SUPT20H: variants seen among roughly 807,000 people sequenced by gnomAD.
SUPT20H encodes the protein transcription factor SPT20 homolog.
In SUPT20H, 82 loss-of-function variants were observed where a neutral mutation model predicts 122.8. The ratio of observed to expected loss-of-function variants is 0.67; its 90% CI spans 0.56 to 0.80. The LOEUF is 0.80. SUPT20H is among the 30% of genes least tolerant of loss of function. The pLI is 0.00. For synonymous variants in SUPT20H, 291 were observed against 313.0 expected (o/e 0.93, Z 0.74); for missense variants, 831 against 921.6 (o/e 0.90, Z 1.27).
rs958839938 is a variant in SUPT20H at position 37,022,251 on chromosome 13, G to C, written c.1592-171C>G. On this transcript the variant is annotated intron_variant, in intron 19 of 25. Coordinates refer to ENST00000350612, the MANE Select transcript of SUPT20H (RefSeq NM_001014286.3). The surrounding 1 kb of genome is among the most constrained non-coding windows in gnomAD (Gnocchi z 4.5). ...AGGGGTACTAGGAGTTGAGCTCTGA[G>C]CATCAGGAGGGTGTGGGGTCGATGA... is the stretch of plus-strand genomic sequence containing the variant. 1 of 1,541,104 alleles carries C rather than the reference G, an allele frequency of 6.5e-7. No homozygotes were observed. The highest frequency in any genetic ancestry group is 8.8e-7 in the Non-Finnish European group (1 of 1,141,700).
intron 2 of SUPT20H, among the ~76,000 whole-genome samples, chr13:37,049,306 A>G (rs2067144276): frequency 6.6e-6 from 1 of 152,206 alleles, no homozygotes; most frequent in Non-Finnish European, 1.5e-5. Flanking sequence ...ACTACATGTA[A>G]GGTTTGAGAT....
At chr13:37,021,384 T>G in intron 21 of SUPT20H, 64 bp downstream of exon 21, 1 of 1,445,478 alleles carries the variant, frequency 6.9e-7, no homozygotes, top group Non-Finnish European at 9.2e-7. Context: ...ACTCTTAAAA[T>G]TACATTTTTA....
In SUPT20H at chr13:37,059,638, TCAGTGCTG is replaced by T. The variant is rs2139671773; in HGVS notation, c.-181_-174del. 6.6e-6 allele frequency: 1 copy of T among 152,404 alleles called. No homozygotes were observed. The highest frequency in any genetic ancestry group is 2.1e-4 in the South Asian group (1 of 4,832). 9.4% of individuals were successfully genotyped at this position (152,404 alleles called of 1,614,324 possible). ...AAAGCCCACCCGCCCCGTCGGCGGC[TCAGTGCTG>T]CACCCCCACCAACAGCCAGTTCCGG... is the stretch of plus-strand genomic sequence containing the variant. On this transcript the variant is annotated 5_prime_UTR_variant, in exon 1 of 26. Transcript: ENST00000350612.
At position 37,022,297 on chromosome 13, in the gene SUPT20H, A is replaced by G; in HGVS notation, c.1592-217T>C. 7.1e-7 allele frequency: 1 copy of G among 1,409,188 alleles called. No homozygotes were observed. The highest frequency in any genetic ancestry group is 9.3e-7 in the Non-Finnish European group (1 of 1,077,284). The allele number at this position is 1,409,188 out of a possible 1,614,324, so 87.3% of individuals were successfully genotyped here. ...GATGAAGGGGTTGGTGTAGGAGTAGATGGCTTAGGAGTTCCAGATCCTGCT... is the reference window on the plus strand; with the variant it reads ...GATGAAGGGGTTGGTGTAGGAGTAGGTGGCTTAGGAGTTCCAGATCCTGCT... On this transcript the variant is annotated intron_variant, in intron 19 of 25. Transcript: ENST00000350612. The surrounding 1 kb of genome is among the most constrained non-coding windows in gnomAD (Gnocchi z 4.5).
At chr13:37,055,041 C>G (rs1389107905) in intron 1 of SUPT20H, among the ~76,000 whole-genome samples, 1 of 152,028 alleles carries the variant, frequency 6.6e-6, no homozygotes, top group Non-Finnish European at 1.5e-5. Flanking sequence ...AATAAAATAC[C>G]TAGGAATACA....
rs554697575 is a variant in SUPT20H, at chr13:37,012,226, A to G, written c.2064T>C (p.Thr688=). Residue 688 remains threonine (T), a synonymous_variant, in exon 24 of 26, where the codon ACT becomes ACC. Transcript: ENST00000350612. ...SAQQAAVINL[T]GVGSFMQSQA... is the part of the protein sequence containing the mutation. ...GTGACTGCATAAAACTTCCTACTCCAGTAAGGTTAATAACAGCAGCTTGCT... is the reference window on the plus strand; with the variant it reads ...GTGACTGCATAAAACTTCCTACTCCGGTAAGGTTAATAACAGCAGCTTGCT... 1.9e-6 allele frequency: 3 copies of G among 1,613,290 alleles called. No homozygotes were observed. Among genetic ancestry groups the G allele is most frequent in the African/African-American group, 2.7e-5 (2 of 74,898 alleles).
chr13:37,051,547 G>A lies in SUPT20H; in HGVS notation c.-57C>T. 1 of 1,558,402 alleles carries A rather than the reference G, an allele frequency of 6.4e-7. No homozygotes were observed. Among genetic ancestry groups the A allele is most frequent in the Non-Finnish European group, 8.8e-7 (1 of 1,135,484 alleles). On this transcript the variant is annotated 5_prime_UTR_variant, in exon 2 of 26. Transcript: ENST00000350612. Reference sequence around the variant, plus strand: ...ATAACTTATGTACGCTGATGAAGTGGGGTGAACACCATGCCTTTAACATCA... The same window carrying A: ...ATAACTTATGTACGCTGATGAAGTGAGGTGAACACCATGCCTTTAACATCA...
intron 5 of SUPT20H, chr13:37,047,311 T>C: frequency 6.0e-6 from 2 of 335,872 alleles, no homozygotes; most frequent in Non-Finnish European, 1.1e-5. Flanking sequence ...AGTGAGACAG[T>C]CTGATACTCA....
intron 9 of SUPT20H, chr13:37,038,572 AT>A (rs545022457): frequency 3.3e-5 from 5 of 152,214 alleles, no homozygotes; most frequent in Non-Finnish European, 7.4e-5. Context: ...AGCTTAGTTT[AT>A]AATCACATGT....
intron 12 of SUPT20H, 41 bp downstream of exon 12, chr13:37,031,526 G>C: frequency 7.3e-7 from 1 of 1,378,706 alleles, no homozygotes. Context: ...GTAAAACTGA[G>C]AAACTTTATA....
intron 7 of SUPT20H, among the ~76,000 whole-genome samples, chr13:37,042,676 ACT>A (rs56344407): frequency 0.83 from 126,838 of 151,958 alleles, 54,025 homozygotes; most frequent in East Asian, 1. Context: ...ATCACTGGTA[ACT>A]CTGACAAATG....
At chr13:37,018,151 C>T (rs1298354434) in intron 22 of SUPT20H, among the ~76,000 whole-genome samples, 1 of 151,966 alleles carries the variant, frequency 6.6e-6, no homozygotes, top group Non-Finnish European at 1.5e-5. Flanking sequence ...ATCCTTGGGT[C>T]AAAGTATCTA....
At chr13:37,047,999 G>T in intron 3 of SUPT20H, 63 bp from the exon 4 acceptor site, 2 of 1,286,308 alleles carry the variant, frequency 1.6e-6, no homozygotes, top group Non-Finnish European at 2.2e-6. Flanking sequence ...CAACTGTATT[G>T]AGTATATCTA....
chr13:37,024,521 A>G, intron 17 of SUPT20H, 79 bp from the exon 18 acceptor site: 1 of 969,194 alleles, frequency 1.0e-6, no homozygotes, highest in Non-Finnish European at 1.4e-6. Context: ...ATTTAACTTC[A>G]TAGTTTATTA....
chr13:37,035,097 C>T (rs1275630569), intron 9 of SUPT20H, among the ~76,000 whole-genome samples: 2 of 152,180 alleles, frequency 1.3e-5, no homozygotes, highest in Non-Finnish European at 2.9e-5. Context: ...TCATAGCTGC[C>T]AACACAATAT....
chr13:37,051,547 G>T lies in SUPT20H; in HGVS notation c.-57C>A. 6.4e-7 allele frequency: 1 copy of T among 1,558,402 alleles called. No individual in the cohort carries two copies. The highest frequency in any genetic ancestry group is 1.1e-5 in the South Asian group (1 of 87,452). On this transcript the variant is annotated 5_prime_UTR_variant, in exon 2 of 26. Transcript: ENST00000350612. Reference sequence around the variant, plus strand: ...ATAACTTATGTACGCTGATGAAGTGGGGTGAACACCATGCCTTTAACATCA... The same window carrying T: ...ATAACTTATGTACGCTGATGAAGTGTGGTGAACACCATGCCTTTAACATCA...
intron 2 of SUPT20H, among the ~76,000 whole-genome samples, chr13:37,048,909 C>T (rs553511512): frequency 6.6e-6 from 1 of 150,636 alleles, no homozygotes; most frequent in East Asian, 2.0e-4. Context: ...TTTAAGAGCA[C>T]CATTCAAAAA....
chr13:37,043,392 T>C (rs2065851270), intron 7 of SUPT20H, among the ~76,000 whole-genome samples: 2 of 151,970 alleles, frequency 1.3e-5, no homozygotes, highest in Admixed American at 1.3e-4. Flanking sequence ...AAGGGAGTGC[T>C]TACCTAGGCA....
At chr13:37,049,251 TATAAA>T (rs748258587) in intron 2 of SUPT20H, among the ~76,000 whole-genome samples, 9 of 152,100 alleles carry the variant, frequency 5.9e-5, no homozygotes, top group Non-Finnish European at 1.3e-4. Flanking sequence ...AATATTAAAA[TATAAA>T]AGAAAATGAA....
Sources: gnomAD v4.1 joint callset for allele counts (sites outside exome capture counted in the v4.1 genomes callset) on GRCh38, gnomAD v4.1.1 for gene constraint, Gnocchi (gnomAD v3.1) non-coding constraint, MANE v1.5 for transcripts, NCBI Gene and HGNC (gene_info 2026-07-23, HGNC 2026-07-21) for gene names.